Variants in SPECC1 observed in about 807,000 individuals in gnomAD.
The protein encoded by SPECC1 is sperm antigen with calponin homology and coiled-coil domains 1.
Under a neutral mutation model 104.1 loss-of-function variants are expected in SPECC1, and 62 were observed. The ratio of observed to expected loss-of-function variants is 0.60; its 90% confidence interval spans 0.49 to 0.74. SPECC1 has a LOEUF of 0.74. Among genes scored for constraint, SPECC1 ranks in the 30% least tolerant of loss-of-function variants. SPECC1 has a pLI of 0.00. For missense variants in SPECC1, 1,306 were observed against 1,310.5 expected (o/e 1.00, Z 0.05); for synonymous variants, 513 against 501.6 (o/e 1.02, Z -0.30).
chr17:20,156,029 A>G (rs62066869), intron 3 of SPECC1: 4 of 1,280,648 alleles, frequency 3.1e-6, no homozygotes, highest in Non-Finnish European at 4.0e-6. Flanking sequence ...GCGGGAGAGC[A>G]GCGGCTCCGC....
rs796244745 is a variant in SPECC1, at chr17:20,199,214, G to A, written c.284-5119G>A. 5.6e-4 allele frequency among the ~76,000 whole-genome samples: 83 copies of A among 149,128 alleles called. 1 individual carries two copies. The highest frequency in any genetic ancestry group is 2.0e-3 in the African/African-American group (82 of 40,490). On this transcript the variant is annotated intron_variant, in intron 3 of 14. Coordinates refer to ENST00000395527, the MANE Select transcript of SPECC1 (RefSeq NM_001243439.2). Reference sequence around the variant, plus strand: ...CAATTCTCCTGCCTCAGCCTCCCAAGTAGCTGGAGTTACAGGCATGTGCTG... The same window carrying A: ...CAATTCTCCTGCCTCAGCCTCCCAAATAGCTGGAGTTACAGGCATGTGCTG...
rs1395919924 is a variant in SPECC1 at position 20,298,984 on chromosome 17, G to GTGTGTGTGTGTGTGTGTGTGTGT, written c.3057+1907_3057+1908insTGTGTGTGTGTGTGTGTGTGTGT. On this transcript the variant is annotated intron_variant, in intron 13 of 14. Transcript: ENST00000395527. ...GTGTGTGTGTGTGTATGTAGAGAGA[G>GTGTGTGTGTGTGTGTGTGTGTGT]AGAGAGAGAGAGGTGGGGGCTGGGG... 5.2e-5 allele frequency among the ~76,000 whole-genome samples: 4 copies of GTGTGTGTGTGTGTGTGTGTGTGT among 76,866 alleles called. 2 individuals are homozygous for GTGTGTGTGTGTGTGTGTGTGTGT. The highest frequency in any genetic ancestry group is 1.1e-4 in the African/African-American group (2 of 18,460). 50.4% of individuals were successfully genotyped at this position (76,866 alleles called of 152,430 possible). A position where few individuals can be genotyped will look rare whatever the true frequency, so the allele number is the denominator to read the frequency against.
chr17:20,021,693 TATATATA>T (rs1567797510), intron 1 of SPECC1, among the ~76,000 whole-genome samples: 1,755 of 115,644 alleles, frequency 0.015, 24 homozygotes, highest in African/African-American at 0.061. Flanking sequence ...AATATATATA[TATATATA>T]TATTTTTTTG....
At chr17:20,091,490 C>G (rs553897213) in intron 1 of SPECC1, among the ~76,000 whole-genome samples, 1 of 152,274 alleles carries the variant, frequency 6.6e-6, no homozygotes, top group South Asian at 2.1e-4. Flanking sequence ...CTTTGGGTTA[C>G]CGATGTCTAG....
At chr17:20,068,790 A>G (rs901718261) in intron 1 of SPECC1, among the ~76,000 whole-genome samples, 3 of 152,140 alleles carry the variant, frequency 2.0e-5, no homozygotes, top group Admixed American at 6.5e-5. Context: ...CTTGTATTGT[A>G]TAGTCTATTT....
rs1160069279 is a variant in SPECC1, at chr17:20,096,865, G to A, written c.147+67G>A. On this transcript the variant is annotated intron_variant, in intron 2 of 14. Transcript: ENST00000395527. The stretch of plus-strand genomic sequence containing the variant: ...ACCCTGGGTTGGGAGGATTGAAGAG[G>A]GCAGTAAGCAAACCAGTGGCCTCTC... 11 of 1,548,558 alleles carry A rather than the reference G, an allele frequency of 7.1e-6. No homozygotes were observed. The East Asian group carries it at 1.4e-4, about 19-fold the overall frequency.
intron 3 of SPECC1, among the ~76,000 whole-genome samples, chr17:20,142,059 C>A (rs951692908): frequency 5.3e-5 from 8 of 152,146 alleles, no homozygotes; most frequent in African/African-American, 1.9e-4. Context: ...ATGTACAAAC[C>A]AGATGCTGAA....
chr17:20,291,881 T>C (rs1247335011), intron 12 of SPECC1, among the ~76,000 whole-genome samples: 2 of 151,112 alleles, frequency 1.3e-5, no homozygotes, highest in African/African-American at 4.9e-5. Context: ...TCTTGCTCAT[T>C]GAGCATTTGG....
chr17:20,197,884 T>A (rs2036142209), intron 3 of SPECC1, among the ~76,000 whole-genome samples: 1 of 151,738 alleles, frequency 6.6e-6, no homozygotes. Flanking sequence ...AGCCTTAGAA[T>A]TTTTTTTTGC....
intron 9 of SPECC1, 37 bp from the exon 10 acceptor site, chr17:20,253,468 T>C (rs771485887): frequency 1.2e-6 from 2 of 1,605,878 alleles, no homozygotes; most frequent in Middle Eastern, 1.8e-4. Flanking sequence ...CTTGATGTTA[T>C]GAGCTCACCG....
At chr17:20,172,340 G>A (rs952490522) in intron 3 of SPECC1, among the ~76,000 whole-genome samples, 10 of 152,192 alleles carry the variant, frequency 6.6e-5, no homozygotes, top group Non-Finnish European at 1.2e-4. Context: ...ACACCTGATT[G>A]TGGATCAGTT....
chr17:20,244,204 G>A (rs1756010725), intron 7 of SPECC1, among the ~76,000 whole-genome samples: 1 of 152,158 alleles, frequency 6.6e-6, no homozygotes, highest in South Asian at 2.1e-4. Flanking sequence ...ACTCCAGCCT[G>A]GGCGACAGAG....
chr17:20,279,099 C>T (rs1036229715), intron 12 of SPECC1, among the ~76,000 whole-genome samples: 16 of 152,132 alleles, frequency 1.1e-4, no homozygotes, highest in Admixed American at 5.9e-4. Context: ...GCTGCTGTTC[C>T]TTCTCCATCC....
At chr17:20,166,136 G>A (rs1322323147) in intron 3 of SPECC1, among the ~76,000 whole-genome samples, 1 of 152,082 alleles carries the variant, frequency 6.6e-6, no homozygotes, top group Non-Finnish European at 1.5e-5. Context: ...AAATGAGATA[G>A]GACCTTTTAT....
At chr17:20,156,372 G>A (rs1206627350) in intron 3 of SPECC1, 1 of 1,009,152 alleles carries the variant, frequency 9.9e-7, no homozygotes, top group East Asian at 3.3e-5. Flanking sequence ...GATTCTTGTC[G>A]TTGGAATGCG....
At chr17:20,248,784 AC>A (rs2039518378) in intron 9 of SPECC1, among the ~76,000 whole-genome samples, 1 of 152,028 alleles carries the variant, frequency 6.6e-6, no homozygotes, top group Non-Finnish European at 1.5e-5. Flanking sequence ...TAATTGTATT[AC>A]CTTTTTTATC....
chr17:20,045,727 G>A (rs1483343845), intron 1 of SPECC1, among the ~76,000 whole-genome samples: 1 of 152,160 alleles, frequency 6.6e-6, no homozygotes, highest in Admixed American at 6.5e-5. Context: ...ACTTGGCAGG[G>A]TTGGCCAGGT....
intron 1 of SPECC1, among the ~76,000 whole-genome samples, chr17:20,036,045 T>TCA (rs1442319278): frequency 1.3e-5 from 2 of 152,130 alleles, no homozygotes; most frequent in Admixed American, 1.3e-4. Flanking sequence ...ACTCCTGACC[T>TCA]TGTGATCTGC....
At chr17:20,274,499 T>C (rs2040509911) in intron 12 of SPECC1, among the ~76,000 whole-genome samples, 2 of 151,036 alleles carry the variant, frequency 1.3e-5, no homozygotes, top group South Asian at 2.1e-4. Context: ...TTCCTTTTTT[T>C]CTTTTTTCTT....
Sources: allele counts gnomAD v4.1 joint callset (sites outside exome capture counted in the v4.1 genomes callset), GRCh38; gene constraint gnomAD v4.1.1; transcripts MANE v1.5; gene names NCBI Gene and HGNC (gene_info 2026-07-23, HGNC 2026-07-21).